ERC2: variants seen among roughly 807,000 people sequenced by gnomAD.
ERC2 encodes the protein ELKS/RAB6-interacting/CAST family member 2, also known as ERC protein 2.
ERC2 carries 42 observed loss-of-function variants against 114.8 expected under a neutral mutation model. The observed-to-expected ratio is 0.37, with a 90% CI of 0.29 to 0.47. The LOEUF (loss-of-function observed/expected upper bound fraction) is 0.47, where lower values mean the gene tolerates loss of function less well. Ranked by LOEUF, ERC2 falls within the 20% of genes least tolerant of loss-of-function variation. ERC2 has a pLI of 0.99. For synonymous variants in ERC2, 454 were observed against 425.5 expected (o/e 1.07, Z -0.82); for missense variants, 939 against 1,150.7 (o/e 0.82, Z 2.66).
intron 17 of ERC2, among the ~76,000 whole-genome samples, chr3:55,626,969 G>A (rs1474963163): frequency 1.3e-5 from 2 of 152,192 alleles, no homozygotes; most frequent in Non-Finnish European, 2.9e-5. Flanking sequence ...ATTATGCCTG[G>A]CCTGTGGGAA....
At chr3:55,986,073 T>C (rs1279483180) in intron 11 of ERC2, 85 bp from the exon 12 acceptor site, 3 of 1,266,504 alleles carry the variant, frequency 2.4e-6, no homozygotes, top group Non-Finnish European at 3.3e-6. Context: ...AGGAAGGAAA[T>C]GCATTAGTTT....
chr3:56,329,052 T>A (rs2150448113), intron 2 of ERC2, among the ~76,000 whole-genome samples: 1 of 152,346 alleles, frequency 6.6e-6, no homozygotes, highest in East Asian at 1.9e-4. Flanking sequence ...TCTATTTATT[T>A]CCACTATAGT....
At chr3:56,167,550 T>C (rs1028262899) in intron 4 of ERC2, among the ~76,000 whole-genome samples, 14 of 152,162 alleles carry the variant, frequency 9.2e-5, no homozygotes, top group African/African-American at 3.4e-4. Flanking sequence ...GACCATCACT[T>C]AAAAATCACA....
chr3:56,120,077 GT>G (rs1188577343), intron 6 of ERC2, among the ~76,000 whole-genome samples: 1 of 152,148 alleles, frequency 6.6e-6, no homozygotes, highest in African/African-American at 2.4e-5. Flanking sequence ...GATGTCTTTT[GT>G]TTGGCCTGCA....
chr3:55,528,198 A>G (rs2053451322), intron 17 of ERC2, among the ~76,000 whole-genome samples: 1 of 152,240 alleles, frequency 6.6e-6, no homozygotes, highest in South Asian at 2.1e-4. Flanking sequence ...CAATGAAACA[A>G]TAATTTTAGA....
chr3:55,652,121 C>A (rs540876601), intron 17 of ERC2, among the ~76,000 whole-genome samples: 1 of 152,088 alleles, frequency 6.6e-6, no homozygotes, highest in Non-Finnish European at 1.5e-5. Flanking sequence ...TTCTGTGGGC[C>A]TTTGCTAATT....
chr3:55,693,014 A>C (rs2062741959), intron 16 of ERC2, among the ~76,000 whole-genome samples: 1 of 152,244 alleles, frequency 6.6e-6, no homozygotes, highest in Non-Finnish European at 1.5e-5. Flanking sequence ...GGAAGTGAAC[A>C]TTCAATGCTC....
At chr3:56,087,392 A>G (rs966318457) in intron 6 of ERC2, among the ~76,000 whole-genome samples, 2 of 152,182 alleles carry the variant, frequency 1.3e-5, no homozygotes, top group Admixed American at 6.5e-5. Context: ...GTCAGCACCC[A>G]GGAATTATAA....
At chr3:55,750,757 C>T (rs1049226854) in intron 14 of ERC2, among the ~76,000 whole-genome samples, 5 of 152,218 alleles carry the variant, frequency 3.3e-5, no homozygotes, top group Non-Finnish European at 2.9e-5. Flanking sequence ...GAAATGTGGT[C>T]AAATAAAGAA....
chr3:55,712,362 T>C (rs2063819599), intron 15 of ERC2, among the ~76,000 whole-genome samples: 1 of 152,166 alleles, frequency 6.6e-6, no homozygotes, highest in Admixed American at 6.5e-5. Flanking sequence ...CTTTAGGTGT[T>C]CTCTTGAGTA....
intron 13 of ERC2, among the ~76,000 whole-genome samples, chr3:55,941,744 C>T (rs909330889): frequency 2.6e-5 from 4 of 152,146 alleles, no homozygotes; most frequent in Admixed American, 6.5e-5. Flanking sequence ...GGGTGACATC[C>T]TTTCATGGAT....
At chr3:55,585,107 T>G (rs1460134441) in intron 17 of ERC2, among the ~76,000 whole-genome samples, 1 of 152,236 alleles carries the variant, frequency 6.6e-6, no homozygotes, top group African/African-American at 2.4e-5. Flanking sequence ...GATTCAGTGA[T>G]TAGCATTCCT....
At chr3:55,912,874 C>T (rs2064889690) in intron 13 of ERC2, among the ~76,000 whole-genome samples, 1 of 152,140 alleles carries the variant, frequency 6.6e-6, no homozygotes, top group African/African-American at 2.4e-5. Flanking sequence ...AACCCAGGAC[C>T]CAGAGGAACA....
At chr3:56,172,632 T>C (rs937429229) in intron 4 of ERC2, among the ~76,000 whole-genome samples, 7 of 152,244 alleles carry the variant, frequency 4.6e-5, no homozygotes, top group Non-Finnish European at 1.0e-4. Flanking sequence ...ATCTTGATTA[T>C]AAACTTGTTT....
At chr3:56,249,755 C>T (rs1042115099) in intron 3 of ERC2, among the ~76,000 whole-genome samples, 1 of 152,094 alleles carries the variant, frequency 6.6e-6, no homozygotes, top group African/African-American at 2.4e-5. Flanking sequence ...AGGCACAATG[C>T]CTGCAACAGT....
intron 17 of ERC2, among the ~76,000 whole-genome samples, chr3:55,673,547 C>T (rs1576062195): frequency 6.6e-6 from 1 of 152,060 alleles, no homozygotes; most frequent in South Asian, 2.1e-4. Flanking sequence ...CACACCACTG[C>T]ACTCTAGCCC....
At chr3:55,922,199 G>A (rs1035548740) in intron 13 of ERC2, among the ~76,000 whole-genome samples, 8 of 151,914 alleles carry the variant, frequency 5.3e-5, no homozygotes, top group East Asian at 1.9e-4. Context: ...TTATTACTGG[G>A]AGCAAGGTAA....
At chr3:55,653,570 T>A (rs951754228) in intron 17 of ERC2, among the ~76,000 whole-genome samples, 2 of 3,178 alleles carry the variant, frequency 6.3e-4, no homozygotes, top group African/African-American at 3.7e-4. Context: ...TAAAAGTGTG[T>A]GTGTGTGTGT....
intron 17 of ERC2, among the ~76,000 whole-genome samples, chr3:55,566,006 G>C (rs1354426866): frequency 6.6e-6 from 1 of 152,202 alleles, no homozygotes; most frequent in African/African-American, 2.4e-5. Context: ...CAAGGAGGCA[G>C]AGTGGTCTCT....
Sources: allele counts gnomAD v4.1 joint callset (sites outside exome capture counted in the v4.1 genomes callset), GRCh38; gene constraint gnomAD v4.1.1; transcripts MANE v1.5; gene names NCBI Gene and HGNC (gene_info 2026-07-23, HGNC 2026-07-21).